Variants in DLGAP1 observed in about 807,000 individuals in gnomAD.
The protein encoded by DLGAP1 is DLG associated protein 1, also known as disks large-associated protein 1.
In DLGAP1, 11 loss-of-function variants were observed where a neutral mutation model predicts 90.8. The observed-to-expected ratio is 0.12, with a 90% CI of 0.08 to 0.20. The LOEUF (loss-of-function observed/expected upper bound fraction) is 0.20. Among genes scored for constraint, DLGAP1 ranks in the 10% least tolerant of loss-of-function variants. The pLI is 1.00. For synonymous variants in DLGAP1, 558 were observed against 540.7 expected (o/e 1.03, Z -0.44); for missense variants, 1,050 against 1,333.8 (o/e 0.79, Z 3.31).
At chr18:3,672,524 C>T (rs1254408502) in intron 7 of DLGAP1, among the ~76,000 whole-genome samples, 1 of 132,408 alleles carries the variant, frequency 7.6e-6, no homozygotes. Flanking sequence ...TTGCGGTGAG[C>T]CAAGATCTCG....
At chr18:3,897,933 T>C (rs1465668824) in intron 3 of DLGAP1, among the ~76,000 whole-genome samples, 10 of 151,876 alleles carry the variant, frequency 6.6e-5, no homozygotes, top group Middle Eastern at 3.4e-3. Flanking sequence ...TAGCTGGGAC[T>C]ACAGGCGCCC....
chr18:3,713,044 T>A (rs1398381530), intron 7 of DLGAP1, among the ~76,000 whole-genome samples: 2 of 152,190 alleles, frequency 1.3e-5, no homozygotes, highest in Non-Finnish European at 2.9e-5. Flanking sequence ...CAATCAATCC[T>A]CATCAAACCC....
chr18:3,794,041 G>A (rs2065868698), intron 5 of DLGAP1, among the ~76,000 whole-genome samples: 1 of 152,170 alleles, frequency 6.6e-6, no homozygotes, highest in Non-Finnish European at 1.5e-5. Flanking sequence ...TACACAGCAA[G>A]GTTAAGTACC....
At chr18:3,733,019 A>G (rs780382175) in intron 6 of DLGAP1, among the ~76,000 whole-genome samples, 5 of 152,184 alleles carry the variant, frequency 3.3e-5, no homozygotes, top group Non-Finnish European at 7.4e-5. Flanking sequence ...TTGGTTCTCA[A>G]GGACATGGGA....
At chr18:4,258,362 C>T (rs2145243806) in intron 1 of DLGAP1, among the ~76,000 whole-genome samples, 1 of 152,126 alleles carries the variant, frequency 6.6e-6, no homozygotes, top group East Asian at 1.9e-4. Flanking sequence ...CTGTTTTCAA[C>T]ATAGCCGTCA....
At chr18:3,716,460 C>G (rs1049339387) in intron 7 of DLGAP1, among the ~76,000 whole-genome samples, 2 of 152,174 alleles carry the variant, frequency 1.3e-5, no homozygotes, top group Admixed American at 1.3e-4. Context: ...TGCCTGAGCC[C>G]AGGAGGCTGA....
At chr18:4,427,140 C>A (rs1462857685) in intron 1 of DLGAP1, among the ~76,000 whole-genome samples, 1 of 152,118 alleles carries the variant, frequency 6.6e-6, no homozygotes, top group Non-Finnish European at 1.5e-5. Context: ...ACAAGGTGAG[C>A]CACAGACACA....
At chr18:4,392,713 C>A (rs1352186972) in intron 1 of DLGAP1, among the ~76,000 whole-genome samples, 2 of 151,524 alleles carry the variant, frequency 1.3e-5, no homozygotes, top group African/African-American at 4.9e-5. Context: ...CATTTTATAT[C>A]CCTAGGCCAA....
chr18:3,887,421 G>GTAGT (rs1312049260), intron 3 of DLGAP1, among the ~76,000 whole-genome samples: 3 of 152,188 alleles, frequency 2.0e-5, no homozygotes, highest in Non-Finnish European at 4.4e-5. Flanking sequence ...TTCTCTAGCT[G>GTAGT]TAGTTAGAGA....
chr18:4,347,400 T>G (rs763473338), intron 1 of DLGAP1, among the ~76,000 whole-genome samples: 3 of 151,972 alleles, frequency 2.0e-5, no homozygotes, highest in Admixed American at 6.6e-5. Flanking sequence ...CAAAAGAAAA[T>G]AAATCTATAG....
intron 2 of DLGAP1, among the ~76,000 whole-genome samples, chr18:4,106,724 TAGA>T (rs372713524): frequency 2.2e-4 from 33 of 152,340 alleles, no homozygotes; most frequent in Middle Eastern, 3.4e-3. Flanking sequence ...AAGTTGTACG[TAGA>T]AGAATAGCAT....
intron 4 of DLGAP1, among the ~76,000 whole-genome samples, chr18:3,873,782 C>A (rs2070896595): frequency 6.6e-6 from 1 of 152,140 alleles, no homozygotes; most frequent in South Asian, 2.1e-4. Context: ...GAGCAATCAT[C>A]ATAAATGTTA....
intron 2 of DLGAP1, among the ~76,000 whole-genome samples, chr18:4,062,374 T>C (rs1054593023): frequency 6.9e-5 from 10 of 144,382 alleles, no homozygotes; most frequent in African/African-American, 2.6e-4. Flanking sequence ...ACTGGCCTCA[T>C]ACCTCATCTA....
chr18:4,316,610 C>G (rs2080534278), intron 1 of DLGAP1, among the ~76,000 whole-genome samples: 1 of 152,186 alleles, frequency 6.6e-6, no homozygotes, highest in Non-Finnish European at 1.5e-5. Context: ...ATGGAGGCCT[C>G]TGAGAACAGT....
chr18:3,798,876 TC>T (rs1325984887), intron 5 of DLGAP1, among the ~76,000 whole-genome samples: 2 of 152,090 alleles, frequency 1.3e-5, no homozygotes, highest in Admixed American at 1.3e-4. Context: ...CTTTTTTTTT[TC>T]TTTCTTTCTC....
intron 3 of DLGAP1, among the ~76,000 whole-genome samples, chr18:3,950,255 T>C (rs1259584456): frequency 6.6e-6 from 1 of 152,210 alleles, no homozygotes; most frequent in Non-Finnish European, 1.5e-5. Flanking sequence ...TTTGCTGGTT[T>C]CAAAGTAAGG....
At chr18:3,744,755 C>A (rs149656695) in intron 5 of DLGAP1, among the ~76,000 whole-genome samples, 22 of 151,938 alleles carry the variant, frequency 1.4e-4, no homozygotes, top group East Asian at 1.9e-4. Context: ...CATGTTGGCC[C>A]GGCTGGTCTC....
rs2074861924 is a variant in DLGAP1 at position 4,034,854 on chromosome 18, G to A, written c.-158-29653C>T. ...AGTCATAGTAAACTTTCAAATGCCT[G>A]AAATTACAGACTCTAACTACTTTCC... On this transcript the variant is annotated intron_variant, in intron 2 of 12. Transcript: ENST00000315677. Among the ~76,000 whole-genome samples the A allele has an allele frequency of 2.6e-5, 4 of 151,554 alleles. No homozygotes were observed. In the South Asian group the frequency reaches 8.3e-4, roughly 32 times the overall value.
intron 9 of DLGAP1, among the ~76,000 whole-genome samples, chr18:3,535,420 A>G (rs544658806): frequency 1.2e-3 from 187 of 152,184 alleles, no homozygotes; most frequent in African/African-American, 4.2e-3. Flanking sequence ...AGAAATAGGG[A>G]AAAAGGGCCG....
Sources: gnomAD v4.1 joint callset for allele counts (sites outside exome capture counted in the v4.1 genomes callset) on GRCh38, gnomAD v4.1.1 for gene constraint, MANE v1.5 for transcripts, NCBI Gene and HGNC (gene_info 2026-07-23, HGNC 2026-07-21) for gene names.